The following KIF6 variants were observed in gnomAD, a reference collection of about 807,000 sequenced individuals.
KIF6 encodes the protein kinesin family member 6.
A neutral mutation model predicts 112.7 loss-of-function variants in KIF6; 106 were observed. That is an observed-to-expected ratio of 0.94 (90% confidence interval 0.80 to 1.11). KIF6 has a LOEUF of 1.11. KIF6 is among the 50% of genes least tolerant of loss of function. The pLI is 0.00. For synonymous variants in KIF6, 339 were observed against 339.9 expected (o/e 1.00, Z 0.03); for missense variants, 929 against 964.0 (o/e 0.96, Z 0.48).
chr6:39,648,224 G>GGC (rs1157766967), intron 3 of KIF6, among the ~76,000 whole-genome samples: 2 of 43,528 alleles, frequency 4.6e-5, no homozygotes, highest in South Asian at 7.7e-4. Flanking sequence ...GGGGGCGGGC[G>GGC]GGGGGGGGTG....
intron 13 of KIF6, among the ~76,000 whole-genome samples, chr6:39,506,189 C>A (rs1313200818): frequency 1.3e-5 from 2 of 152,140 alleles, no homozygotes; most frequent in African/African-American, 4.8e-5. Context: ...GGAATGAGGT[C>A]ATATCCTTTG....
intron 19 of KIF6, among the ~76,000 whole-genome samples, chr6:39,348,411 C>A (rs1431522543): frequency 1.3e-5 from 2 of 152,096 alleles, no homozygotes; most frequent in African/African-American, 2.4e-5. Flanking sequence ...CCACCTCATG[C>A]AGGAGGGCAG....
intron 9 of KIF6, among the ~76,000 whole-genome samples, chr6:39,578,781 T>C (rs1361482200): frequency 6.6e-6 from 1 of 152,218 alleles, no homozygotes; most frequent in South Asian, 2.1e-4. Flanking sequence ...TCCATATGTA[T>C]GCATGTACTC....
At chr6:39,452,719 C>G (rs1772785945) in intron 13 of KIF6, among the ~76,000 whole-genome samples, 1 of 152,182 alleles carries the variant, frequency 6.6e-6, no homozygotes, top group African/African-American at 2.4e-5. Context: ...GGAGAGCAAA[C>G]TGCAACTATG....
intron 16 of KIF6, among the ~76,000 whole-genome samples, chr6:39,381,381 T>A (rs1228365738): frequency 6.6e-6 from 1 of 151,728 alleles, no homozygotes; most frequent in African/African-American, 2.4e-5. Flanking sequence ...ATGAAAAGGG[T>A]GATGGTAGTA....
intron 10 of KIF6, among the ~76,000 whole-genome samples, chr6:39,571,737 T>C (rs1780650980): frequency 6.6e-6 from 1 of 152,198 alleles, no homozygotes; most frequent in African/African-American, 2.4e-5. Flanking sequence ...CATTCATCTG[T>C]CTAGTCCTAT....
At chr6:39,616,258 G>A (rs1783513562) in intron 5 of KIF6, among the ~76,000 whole-genome samples, 1 of 152,156 alleles carries the variant, frequency 6.6e-6, no homozygotes, top group South Asian at 2.1e-4. Context: ...AGCTACTTCA[G>A]AACTATTACA....
At chr6:39,604,263 T>C (rs1210183918) in intron 6 of KIF6, among the ~76,000 whole-genome samples, 3 of 152,148 alleles carry the variant, frequency 2.0e-5, no homozygotes, top group Admixed American at 2.0e-4. Flanking sequence ...AATTACCGAA[T>C]CTGTTACCTA....
intron 20 of KIF6, among the ~76,000 whole-genome samples, chr6:39,346,214 G>A (rs1032004364): frequency 4.7e-4 from 70 of 150,340 alleles, no homozygotes; most frequent in Non-Finnish European, 5.2e-4. Flanking sequence ...AAGCGAGGAA[G>A]GAAGCCCTCA....
rs568051998 is a variant in KIF6 at position 39,618,580 on chromosome 6, A to T, written c.510-5262T>A. 2.0e-5 allele frequency among the ~76,000 whole-genome samples: 3 copies of T among 152,194 alleles called. No individual in the cohort carries two copies. The South Asian group carries it at 6.2e-4, about 32-fold the overall frequency. On this transcript the variant is annotated intron_variant, in intron 5 of 22. Coordinates refer to ENST00000287152, the MANE Select transcript of KIF6 (RefSeq NM_145027.6). ...AACTTTTTGTGGCAATAAGACACCAAATTATAAACAAGACCCAAGGCCATG... is the reference window on the plus strand; with the variant it reads ...AACTTTTTGTGGCAATAAGACACCATATTATAAACAAGACCCAAGGCCATG...
At chr6:39,337,172 C>CTTCTTTCTTTCTTTCTTTCT (rs71543959) in intron 22 of KIF6, among the ~76,000 whole-genome samples, 2,912 of 59,274 alleles carry the variant, frequency 0.049, 208 homozygotes, top group Middle Eastern at 0.062. Flanking sequence ...TCTTTCCTTC[C>CTTCTTTCTTTCTTTCTTTCT]TTCTTTCTTT....
intron 15 of KIF6, among the ~76,000 whole-genome samples, chr6:39,418,069 G>A (rs911541740): frequency 2.0e-5 from 3 of 149,214 alleles, no homozygotes; most frequent in African/African-American, 7.4e-5. Flanking sequence ...ATGCCCCCCA[G>A]CAGAGTGTCT....
intron 13 of KIF6, among the ~76,000 whole-genome samples, chr6:39,454,878 G>A (rs1019985627): frequency 6.6e-6 from 1 of 152,146 alleles, no homozygotes; most frequent in African/African-American, 2.4e-5. Flanking sequence ...TACGCCCACC[G>A]AATCTCGCTG....
At chr6:39,552,962 A>G (rs1779469919) in intron 10 of KIF6, among the ~76,000 whole-genome samples, 1 of 152,194 alleles carries the variant, frequency 6.6e-6, no homozygotes, top group East Asian at 1.9e-4. Flanking sequence ...GATTGTGCCA[A>G]TAGGACTATG....
intron 3 of KIF6, among the ~76,000 whole-genome samples, chr6:39,675,366 C>T (rs1305997202): frequency 6.6e-6 from 1 of 152,198 alleles, no homozygotes; most frequent in Admixed American, 6.5e-5. Context: ...TATTTGTAAA[C>T]ATTGACTCTA....
rs371684791 is a variant in KIF6 at position 39,498,348 on chromosome 6, C to T, written c.1645+41655G>A. Among the ~76,000 whole-genome samples, 9 of 152,196 alleles carry T rather than the reference C, an allele frequency of 5.9e-5. No homozygotes were observed. The East Asian group carries it at 1.5e-3, about 26-fold the overall frequency. ...TTTAAAGAAACAGAAATCCTTCTCCCCTAGGTGACAGAGAGTTGCGGGTGA... is the reference window on the plus strand; with the variant it reads ...TTTAAAGAAACAGAAATCCTTCTCCTCTAGGTGACAGAGAGTTGCGGGTGA... On this transcript the variant is annotated intron_variant, in intron 13 of 22. Coordinates refer to ENST00000287152, the MANE Select transcript of KIF6 (RefSeq NM_145027.6).
chr6:39,360,644 T>C, intron 17 of KIF6, 114 bp from the exon 18 acceptor site: 4 of 1,235,288 alleles, frequency 3.2e-6, no homozygotes, highest in Non-Finnish European at 3.4e-6. Flanking sequence ...GCTGCCCTGG[T>C]GCTCAGGGAC....
In KIF6 at chr6:39,628,782, T is replaced by C. The variant is rs1461668926; in HGVS notation, c.509+6067A>G. ...TCATGTGCCCACCATTACAGTATCA[T>C]ATAGAACAGTTTCACCACCCAGAAA... On this transcript the variant is annotated intron_variant, in intron 5 of 22. Coordinates refer to ENST00000287152, the MANE Select transcript of KIF6 (RefSeq NM_145027.6). Among the ~76,000 whole-genome samples, 4 of 152,148 alleles carry C rather than the reference T, an allele frequency of 2.6e-5. No homozygotes were observed. The East Asian group carries it at 7.7e-4, about 29-fold the overall frequency.
intron 12 of KIF6, among the ~76,000 whole-genome samples, chr6:39,541,096 A>G (rs1279105858): frequency 6.6e-6 from 1 of 152,248 alleles, no homozygotes; most frequent in Non-Finnish European, 1.5e-5. Context: ...AGGCTCATTA[A>G]AATGGGAGTC....
Sources: allele counts gnomAD v4.1 joint callset (sites outside exome capture counted in the v4.1 genomes callset), GRCh38; gene constraint gnomAD v4.1.1; transcripts MANE v1.5; gene names NCBI Gene and HGNC (gene_info 2026-07-23, HGNC 2026-07-21).